Variants in TGFBR3 observed in about 807,000 individuals in gnomAD.
The protein encoded by TGFBR3 is transforming growth factor beta receptor type 3.
TGFBR3 carries 46 observed loss-of-function variants against 87.9 expected under a neutral mutation model. The observed-to-expected ratio is 0.52, with a 90% CI of 0.41 to 0.67. TGFBR3 has a LOEUF of 0.67. TGFBR3 is among the 30% of genes least tolerant of loss of function. The pLI is 0.00. For synonymous variants in TGFBR3, 381 were observed against 391.6 expected (o/e 0.97, Z 0.32); for missense variants, 866 against 1,041.9 (o/e 0.83, Z 2.32).
intron 1 of TGFBR3, among the ~76,000 whole-genome samples, chr1:91,875,257 A>G (rs888025650): frequency 6.6e-6 from 1 of 152,174 alleles, no homozygotes; most frequent in African/African-American, 2.4e-5. Flanking sequence ...AGCTGGCAGC[A>G]GTGAGAGCCT....
intron 2 of TGFBR3, among the ~76,000 whole-genome samples, chr1:91,836,022 C>T (rs891426170): frequency 1.1e-4 from 17 of 151,744 alleles, no homozygotes; most frequent in Non-Finnish European, 1.6e-4. Context: ...CCAAGGTGGG[C>T]GGATCACCTG....
rs1293895405 is a variant in TGFBR3 at position 91,774,648 on chromosome 1, C to T, written c.247-15898G>A. Among the ~76,000 whole-genome samples the T allele has an allele frequency of 2.0e-5, 3 of 152,328 alleles. No homozygotes were observed. The East Asian group carries it at 5.8e-4, about 29-fold the overall frequency. On this transcript the variant is annotated intron_variant, in intron 3 of 16. Coordinates refer to ENST00000212355, the MANE Select transcript of TGFBR3 (RefSeq NM_003243.5). ...AATGGCATTTTTTGGTTAAACCCTA[C>T]ATCACTAGTCTGAGAACAAGTCTCG...
chr1:91,840,259 T>C (rs1046903380), intron 2 of TGFBR3, among the ~76,000 whole-genome samples: 3 of 151,710 alleles, frequency 2.0e-5, no homozygotes, highest in Non-Finnish European at 4.4e-5. Flanking sequence ...GAGGCAGAGT[T>C]TGCAGTGAGC....
chr1:91,681,418 T>G lies in TGFBR3; in HGVS notation c.*2321A>C, dbSNP rs373115808. 2.7e-6 allele frequency: 1 copy of G among 377,310 alleles called. No individual in the cohort carries two copies. Among genetic ancestry groups the G allele is most frequent in the Non-Finnish European group, 5.1e-6 (1 of 197,410 alleles). The allele number at this position is 377,310 out of a possible 1,614,324, so 23.4% of individuals were successfully genotyped here. ...TTCCTCTCTCTCTCTTTTAAAAAGA[T>G]CTTTTGGTTTGCATCTATAAATTTG... On this transcript the variant is annotated 3_prime_UTR_variant, in exon 17 of 17. Coordinates refer to ENST00000212355, the MANE Select transcript of TGFBR3 (RefSeq NM_003243.5).
chr1:91,872,288 T>C (rs1421963122), intron 1 of TGFBR3, among the ~76,000 whole-genome samples: 1 of 152,182 alleles, frequency 6.6e-6, no homozygotes, highest in African/African-American at 2.4e-5. Flanking sequence ...CAGAGCTGAA[T>C]TTATTGCCCT....
In TGFBR3 at chr1:91,688,490, C is replaced by A. The variant is rs560928087; in HGVS notation, c.2438-4633G>T. ...ATTAGTTGTGTTTCCCTTTAGTCAA[C>A]ACAGAGATAATCACTACTTCACAGG... On this transcript the variant is annotated intron_variant, in intron 16 of 16. Transcript: ENST00000212355. Among the ~76,000 whole-genome samples the A allele has an allele frequency of 2.3e-3, 347 of 152,270 alleles. 1 individual carries two copies. The highest frequency in any genetic ancestry group is 8.2e-3 in the African/African-American group (339 of 41,540).
chr1:91,695,823 T>A (rs377476220), intron 15 of TGFBR3, 44 bp from the exon 16 acceptor site: 62 of 1,456,568 alleles, frequency 4.3e-5, no homozygotes, highest in Non-Finnish European at 5.6e-5. Flanking sequence ...TTGGTTAGTC[T>A]GCATCATGCA....
At chr1:91,867,426 T>C (rs1421153828) in intron 1 of TGFBR3, among the ~76,000 whole-genome samples, 1 of 152,164 alleles carries the variant, frequency 6.6e-6, no homozygotes, top group East Asian at 1.9e-4. Flanking sequence ...GCTGGGAGCA[T>C]GATCAACAAA....
intron 1 of TGFBR3, among the ~76,000 whole-genome samples, chr1:91,875,441 G>GA (rs1678746735): frequency 6.6e-6 from 1 of 151,912 alleles, no homozygotes; most frequent in South Asian, 2.1e-4. Flanking sequence ...ATATGGGTGT[G>GA]AAAAAACAGG....
chr1:91,736,326 C>T (rs1340127113), intron 4 of TGFBR3, among the ~76,000 whole-genome samples: 2 of 150,224 alleles, frequency 1.3e-5, no homozygotes, highest in Non-Finnish European at 3.0e-5. Context: ...AGCACTGATA[C>T]GTAGTAAGTG....
At chr1:91,732,162 G>A (rs1315403472) in intron 5 of TGFBR3, among the ~76,000 whole-genome samples, 23 of 152,168 alleles carry the variant, frequency 1.5e-4, no homozygotes, top group Non-Finnish European at 2.9e-5. Context: ...ATGAACCTGG[G>A]GGGTAATGCA....
At chr1:91,824,369 G>A (rs972265595) in intron 2 of TGFBR3, among the ~76,000 whole-genome samples, 14 of 152,100 alleles carry the variant, frequency 9.2e-5, no homozygotes, top group Admixed American at 3.3e-4. Context: ...TGACATGATA[G>A]TATGAGGACT....
intron 8 of TGFBR3, 38 bp downstream of exon 8, chr1:91,721,917 G>A: frequency 6.3e-7 from 1 of 1,582,914 alleles, no homozygotes; most frequent in Non-Finnish European, 8.7e-7. Flanking sequence ...TTCATTTGGG[G>A]GGTATTTTTT....
At chr1:91,886,326 T>C (rs1281896561), upstream of TGFBR3, 1 of 377,434 alleles carries the variant, frequency 2.6e-6, no homozygotes, top group Admixed American at 3.1e-5. Context: ...CCGCCTCCTC[T>C]CTCCTCCCCC....
In TGFBR3 at chr1:91,720,109, T is replaced by G. The variant is rs1382425612; in HGVS notation, c.1197A>C (p.Gly399=). 1.2e-6 allele frequency: 2 copies of G among 1,613,988 alleles called. No homozygotes were observed. The highest frequency in any genetic ancestry group is 1.3e-5 in the African/African-American group (1 of 74,912). The change falls in exon 9 of 17, where the codon GGA becomes GGC. Residue 399 remains glycine, a synonymous_variant. Transcript: ENST00000212355. ...TATCTGGGAAAGGAAACGGAAGGCC[T>G]CCATTTTGGCCTTCCCCTCCCCGGA... ...PPIRGGEGQN[G]GLPFPFPDIS...
At chr1:91,842,605 C>T (rs1677326605) in intron 2 of TGFBR3, among the ~76,000 whole-genome samples, 4 of 152,220 alleles carry the variant, frequency 2.6e-5, no homozygotes, top group African/African-American at 9.7e-5. Context: ...AGGACATTCC[C>T]CAACCTGCTT....
At chr1:91,723,480 T>TTAA (rs1672441040) in intron 7 of TGFBR3, among the ~76,000 whole-genome samples, 2 of 109,126 alleles carry the variant, frequency 1.8e-5, no homozygotes, top group African/African-American at 7.5e-5. Context: ...GACCCTGCCT[T>TTAA]AAAAAAAAAA....
At chr1:91,826,564 C>T (rs1676645721) in intron 2 of TGFBR3, among the ~76,000 whole-genome samples, 1 of 152,172 alleles carries the variant, frequency 6.6e-6, no homozygotes, top group South Asian at 2.1e-4. Context: ...TCGCTCTTAG[C>T]TGAAGCCAGC....
chr1:91,901,026 T>C (rs1413210377), intron 1 of TGFBR3, among the ~76,000 whole-genome samples: 1 of 152,184 alleles, frequency 6.6e-6, no homozygotes, highest in Non-Finnish European at 1.5e-5. Flanking sequence ...GAATGTGGCT[T>C]CTCATATGGT....
Sources: allele counts gnomAD v4.1 joint callset (sites outside exome capture counted in the v4.1 genomes callset), GRCh38; gene constraint gnomAD v4.1.1; transcripts MANE v1.5; gene names NCBI Gene and HGNC (gene_info 2026-07-23, HGNC 2026-07-21).